PHLPP1: variants seen among roughly 807,000 people sequenced by gnomAD.
PHLPP1 encodes PH domain leucine-rich repeat-containing protein phosphatase 1.
In PHLPP1, 42 loss-of-function variants were observed where a neutral mutation model predicts 117.2. The observed-to-expected ratio is 0.36, with a 90% CI of 0.28 to 0.46. The LOEUF (loss-of-function observed/expected upper bound fraction) is 0.46, where lower values mean the gene tolerates loss of function less well. Among genes scored for constraint, PHLPP1 ranks in the 20% least tolerant of loss-of-function variants. PHLPP1 has a pLI of 1.00. For missense variants in PHLPP1, 2,084 were observed against 2,241.9 expected (o/e 0.93, Z 1.42); for synonymous variants, 1,042 against 970.7 (o/e 1.07, Z -1.37).
intron 12 of PHLPP1, among the ~76,000 whole-genome samples, chr18:62,949,239 G>A (rs1910383555): frequency 1.3e-5 from 2 of 152,110 alleles, no homozygotes; most frequent in Admixed American, 1.3e-4. Flanking sequence ...ACCAAGCATT[G>A]CTATCTTTTC....
intron 1 of PHLPP1, among the ~76,000 whole-genome samples, chr18:62,762,886 T>C (rs1347963353): frequency 6.6e-6 from 1 of 152,248 alleles, no homozygotes; most frequent in East Asian, 1.9e-4. Flanking sequence ...TTTTAAAATA[T>C]TGATTATTTT....
intron 9 of PHLPP1, among the ~76,000 whole-genome samples, chr18:62,917,222 T>TTA (rs921809169): frequency 5.8e-5 from 8 of 137,712 alleles, no homozygotes; most frequent in Non-Finnish European, 1.1e-4. Context: ...TATTATATAT[T>TTA]TATATATATA....
chr18:62,803,654 C>T (rs953414643), intron 1 of PHLPP1, among the ~76,000 whole-genome samples: 7 of 152,152 alleles, frequency 4.6e-5, no homozygotes, highest in Non-Finnish European at 1.0e-4. Flanking sequence ...CCGCCATGAA[C>T]ATTCTTGTGC....
intron 1 of PHLPP1, 28 bp from the exon 2 acceptor site, chr18:62,830,007 A>C: frequency 1.3e-6 from 2 of 1,566,636 alleles, no homozygotes; most frequent in Non-Finnish European, 8.7e-7. Context: ...TTTTAAAAGA[A>C]TAACATGTTT....
chr18:62,836,102 A>AT (rs1225458888), intron 2 of PHLPP1, among the ~76,000 whole-genome samples: 1 of 151,668 alleles, frequency 6.6e-6, no homozygotes, highest in Non-Finnish European at 1.5e-5. Flanking sequence ...ACATATATAT[A>AT]TTTTTAAATT....
intron 1 of PHLPP1, among the ~76,000 whole-genome samples, chr18:62,762,861 C>T (rs1912300978): frequency 1.3e-5 from 2 of 152,054 alleles, no homozygotes; most frequent in South Asian, 4.1e-4. Context: ...ACCTCTATTG[C>T]ATGTATATAA....
At chr18:62,717,341 C>G (rs185600709) in intron 1 of PHLPP1, 82 bp downstream of exon 1, 1 of 1,504,094 alleles carries the variant, frequency 6.6e-7, no homozygotes, top group African/African-American at 1.4e-5. Flanking sequence ...GTCAGTTTGC[C>G]CAACCCAAGA....
intron 4 of PHLPP1, among the ~76,000 whole-genome samples, chr18:62,870,173 G>A (rs952708671): frequency 1.7e-4 from 26 of 152,130 alleles, no homozygotes; most frequent in African/African-American, 6.3e-4. Flanking sequence ...TGGAATTACA[G>A]GTGTGAGCCA....
chr18:62,784,453 G>C (rs1363133632), intron 1 of PHLPP1, among the ~76,000 whole-genome samples: 3 of 152,200 alleles, frequency 2.0e-5, no homozygotes, highest in Non-Finnish European at 1.5e-5. Flanking sequence ...ACTCATGGTA[G>C]GTTTTGTAGC....
At chr18:62,826,253 CAATT>C (rs1914610552) in intron 1 of PHLPP1, 1 of 426,838 alleles carries the variant, frequency 2.3e-6, no homozygotes, top group African/African-American at 2.0e-5. Context: ...ACGGAGATGA[CAATT>C]AAAATCCTGA....
At chr18:62,822,621 C>G (rs1438729327) in intron 1 of PHLPP1, among the ~76,000 whole-genome samples, 1 of 152,038 alleles carries the variant, frequency 6.6e-6, no homozygotes, top group East Asian at 1.9e-4. Flanking sequence ...TTGAATGCCT[C>G]CCCCTTAAGA....
Position 62,958,073 on chromosome 18 carries a change from G to A in PHLPP1, c.3325-556G>A, listed in dbSNP as rs183746622. On this transcript the variant is annotated intron_variant, in intron 12 of 16. Coordinates refer to ENST00000262719, the MANE Select transcript of PHLPP1 (RefSeq NM_194449.4). ...TGAATAGCTGGGATTACAGGCTTGC[G>A]CCACCACCTGGCCAATTTTTGTATT... Among the ~76,000 whole-genome samples, 17 of 152,032 alleles carry A rather than the reference G, an allele frequency of 1.1e-4. No homozygotes were observed. In the East Asian group the frequency reaches 2.7e-3, roughly 24 times the overall value.
chr18:62,915,064 T>C, intron 9 of PHLPP1, 56 bp downstream of exon 9: 1 of 1,298,854 alleles, frequency 7.7e-7, no homozygotes, highest in Admixed American at 2.0e-5. Flanking sequence ...ATTTTAAAAA[T>C]TGCTGATTCA....
At chr18:62,821,404 C>T (rs903703891) in intron 1 of PHLPP1, among the ~76,000 whole-genome samples, 22 of 151,878 alleles carry the variant, frequency 1.4e-4, no homozygotes, top group African/African-American at 4.8e-4. Flanking sequence ...CAAAAGTCAG[C>T]TGGGCATAAT....
Position 62,979,619 on chromosome 18 carries a change from C to T in PHLPP1, c.*188C>T, listed in dbSNP as rs1911318295. ...TTTTTTAAGTAATCACCACTTTCTT[C>T]TAGTGATGCTTTACCAATATGATTT... is the stretch of plus-strand genomic sequence containing the variant. On this transcript the variant is annotated 3_prime_UTR_variant, in exon 17 of 17. Transcript: ENST00000262719. The T allele has an allele frequency of 1.6e-6, 1 of 614,076 alleles. No individual in the cohort carries two copies. The highest frequency in any genetic ancestry group is 3.1e-5 in the Admixed American group (1 of 32,660). 38.0% of individuals were successfully genotyped at this position (614,076 alleles called of 1,614,324 possible).
chr18:62,815,518 C>T (rs2144315738), intron 1 of PHLPP1, among the ~76,000 whole-genome samples: 1 of 152,276 alleles, frequency 6.6e-6, no homozygotes, highest in Non-Finnish European at 1.5e-5. Context: ...TAGTTCCTTG[C>T]TGGCTGTTGG....
At chr18:62,831,632 T>G (rs1401198251) in intron 2 of PHLPP1, among the ~76,000 whole-genome samples, 1 of 152,182 alleles carries the variant, frequency 6.6e-6, no homozygotes, top group Non-Finnish European at 1.5e-5. Context: ...CCACTGTGCC[T>G]GGCCTAAGTA....
At chr18:62,956,937 G>A (rs1910627969) in intron 12 of PHLPP1, among the ~76,000 whole-genome samples, 2 of 151,950 alleles carry the variant, frequency 1.3e-5, no homozygotes, top group Admixed American at 6.6e-5. Flanking sequence ...TAAATTCTTT[G>A]AGAATTTTTC....
At chr18:62,876,229 A>C (rs1194937113) in intron 4 of PHLPP1, among the ~76,000 whole-genome samples, 1 of 152,330 alleles carries the variant, frequency 6.6e-6, no homozygotes, top group Non-Finnish European at 1.5e-5. Flanking sequence ...TTCTAAAAAA[A>C]AATCTATGGT....
Sources: gnomAD v4.1 joint callset for allele counts (sites outside exome capture counted in the v4.1 genomes callset) on GRCh38, gnomAD v4.1.1 for gene constraint, MANE v1.5 for transcripts, NCBI Gene and HGNC (gene_info 2026-07-23, HGNC 2026-07-21) for gene names.